Variants in TET1 observed in about 807,000 individuals in gnomAD.
TET1 encodes the protein tet methylcytosine dioxygenase 1.
In TET1, 13 loss-of-function variants were observed where a neutral mutation model predicts 148.7. That is an observed-to-expected ratio of 0.09 (90% CI 0.06 to 0.14). The LOEUF is 0.14. Ranked by LOEUF, TET1 falls within the 10% of genes least tolerant of loss-of-function variation. The probability of loss-of-function intolerance (pLI) is 1.00; values close to 1 mark genes in which losing one functional copy is unlikely to be tolerated. For synonymous variants in TET1, 907 were observed against 937.2 expected (o/e 0.97, Z 0.59); for missense variants, 2,182 against 2,553.8 (o/e 0.85, Z 3.14).
intron 2 of TET1, among the ~76,000 whole-genome samples, chr10:68,584,647 T>C (rs1361156185): frequency 2.0e-5 from 3 of 151,172 alleles, no homozygotes; most frequent in Non-Finnish European, 4.4e-5. Flanking sequence ...AGGCAAAGGT[T>C]GCAGAGAGCT....
chr10:68,672,510 A>AAAAAAC (rs1564504100), intron 7 of TET1, among the ~76,000 whole-genome samples: 95 of 144,454 alleles, frequency 6.6e-4, no homozygotes, highest in African/African-American at 2.4e-3. Context: ...AAAAAAAAAA[A>AAAAAAC]ACACCAAAAA....
intron 3 of TET1, among the ~76,000 whole-genome samples, chr10:68,614,914 T>C (rs913423437): frequency 1.3e-5 from 2 of 151,936 alleles, no homozygotes; most frequent in African/African-American, 4.8e-5. Context: ...CTTTCTTGTG[T>C]GTTTCATAAA....
At chr10:68,653,322 C>T (rs16925558) in intron 6 of TET1, among the ~76,000 whole-genome samples, 29,164 of 151,930 alleles carry the variant, frequency 0.19, 3,522 homozygotes, top group African/African-American at 0.34. Flanking sequence ...TGTGAGAATT[C>T]CCTATTGTGT....
At chr10:68,653,532 C>T (rs1044897438) in intron 6 of TET1, among the ~76,000 whole-genome samples, 2 of 152,132 alleles carry the variant, frequency 1.3e-5, no homozygotes, top group Non-Finnish European at 2.9e-5. Flanking sequence ...ATCATGTTAA[C>T]AGAATTTGGA....
At chr10:68,636,099 A>T (rs1277252088) in intron 3 of TET1, among the ~76,000 whole-genome samples, 5 of 152,178 alleles carry the variant, frequency 3.3e-5, no homozygotes, top group African/African-American at 1.2e-4. Flanking sequence ...AAATTGGTAG[A>T]ATGACAGTTT....
At chr10:68,673,433 T>C in intron 8 of TET1, 1 of 408,400 alleles carries the variant, frequency 2.4e-6, no homozygotes. Context: ...AAGGACGTAA[T>C]CCAGAAAGAA....
Position 68,572,200 on chromosome 10 carries a change from T to A in TET1, c.-122-17T>A. The A allele has an allele frequency of 3.0e-6, 2 of 661,606 alleles. No homozygotes were observed. Among genetic ancestry groups the A allele is most frequent in the South Asian group, 2.1e-5 (1 of 48,392 alleles). The allele number at this position is 661,606 out of a possible 1,614,324, so 41.0% of individuals were successfully genotyped here. On this transcript the variant is annotated splice_polypyrimidine_tract_variant and intron_variant, in intron 1 of 11. Transcript: ENST00000373644. ...TAGGAAAAAGACTCACTTCAGTGTA[T>A]TCTGTTGTTATTTCAGACCAAAACC...
intron 6 of TET1, among the ~76,000 whole-genome samples, chr10:68,657,024 CAAAA>C (rs35763138): frequency 8.4e-6 from 1 of 118,840 alleles, no homozygotes; most frequent in Non-Finnish European, 1.8e-5. Flanking sequence ...AGTCTAGCTC[CAAAA>C]AAAAAAAAAA....
chr10:68,597,700 T>C (rs1458723971), intron 2 of TET1, among the ~76,000 whole-genome samples: 2 of 152,136 alleles, frequency 1.3e-5, no homozygotes, highest in African/African-American at 4.8e-5. Context: ...TACAAATGTC[T>C]AACAACAGAA....
chr10:68,629,771 T>C (rs866890361), intron 3 of TET1, among the ~76,000 whole-genome samples: 3 of 152,150 alleles, frequency 2.0e-5, no homozygotes, highest in East Asian at 3.9e-4. Flanking sequence ...CTCCTGATCT[T>C]GTGATCCACC....
At chr10:68,588,371 T>G (rs1346977624) in intron 2 of TET1, among the ~76,000 whole-genome samples, 1 of 152,200 alleles carries the variant, frequency 6.6e-6, no homozygotes, top group Non-Finnish European at 1.5e-5. Flanking sequence ...GTATGAAATA[T>G]ATGTTCTGCT....
intron 3 of TET1, among the ~76,000 whole-genome samples, chr10:68,635,015 A>G (rs35778977): frequency 0.48 from 72,827 of 150,868 alleles, 18,704 homozygotes; most frequent in Non-Finnish European, 0.58. Flanking sequence ...GGCTGGTCTC[A>G]AACACCTGAC....
At position 68,646,107 on chromosome 10, in the gene TET1, A is replaced by T; in HGVS notation, c.3378A>T (p.Lys1126Asn). The stretch of plus-strand genomic sequence containing the variant: ...AGGAGAAGGGCACAATACAACAGAA[A>T]CCACCTTCAAGTGTACACAATAATC... ...YNQEKGTIQQ[K>N]PPSSVHNNHG... Residue 1126 changes from lysine (K) to asparagine (N), a missense_variant, in exon 4 of 12, where the codon AAA becomes AAT. Transcript: ENST00000373644. The T allele has an allele frequency of 6.2e-7, 1 of 1,614,036 alleles. No homozygotes were observed. Among genetic ancestry groups the T allele is most frequent in the Non-Finnish European group, 8.5e-7 (1 of 1,180,012 alleles).
chr10:68,566,765 ACT>A (rs2133668294), intron 1 of TET1, among the ~76,000 whole-genome samples: 1 of 151,524 alleles, frequency 6.6e-6, no homozygotes, highest in East Asian at 1.9e-4. Context: ...AATATAGCAA[ACT>A]CTGAGTTAAA....
rs754614889 is a variant in TET1, at chr10:68,646,888, A to G, written c.4159A>G (p.Thr1387Ala). ...SSSFGTSEFS[T>A]VDSAQKNFND... ...CAGTTTTGGAACATCAGAATTTTCC[A>G]CAGTGGACAGTGCACAGAAAAATTT... Residue 1387 changes from threonine to alanine, a missense_variant, in exon 4 of 12, where the codon ACA becomes GCA. Coordinates refer to ENST00000373644, the MANE Select transcript of TET1 (RefSeq NM_030625.3). 1 of 1,614,204 alleles carries G rather than the reference A, an allele frequency of 6.2e-7. No individual in the cohort carries two copies. Among genetic ancestry groups the G allele is most frequent in the Admixed American group, 1.7e-5 (1 of 60,022 alleles).
At chr10:68,673,136 A>C in intron 8 of TET1, 91 bp downstream of exon 8, 1 of 1,052,090 alleles carries the variant, frequency 9.5e-7, no homozygotes, top group South Asian at 2.6e-5. Context: ...AAACACTATA[A>C]AAACTAAATA....
intron 3 of TET1, among the ~76,000 whole-genome samples, chr10:68,610,304 G>T (rs2054188460): frequency 6.7e-6 from 1 of 149,906 alleles, no homozygotes; most frequent in Non-Finnish European, 1.5e-5. Context: ...AAACAAAAAG[G>T]CCAGGCATGG....
chr10:68,572,436 G>A lies in TET1; in HGVS notation c.98G>A (p.Gly33Glu). Residue 33 changes from glycine (G) to glutamate (E), a missense_variant, in exon 2 of 12, where the codon GGA (glycine) becomes GAA (glutamate). By Grantham distance (98) the Gly-to-Glu change is moderately conservative. This residue lies in a region of TET1 where 665 missense variants were observed against 672.4 expected (regional missense o/e 0.99). Coordinates refer to ENST00000373644, the MANE Select transcript of TET1 (RefSeq NM_030625.3). ...AGCCAACTACGAAAGACAACCAAGG[G>A]AGCCAACAAAAATGTGGCATCAGTC... ...KNSQLRKTTK[G>E]ANKNVASVKT... is the part of the protein sequence containing the mutation. 6.2e-7 allele frequency: 1 copy of A among 1,613,960 alleles called. No homozygotes were observed. Among genetic ancestry groups the A allele is most frequent in the Non-Finnish European group, 8.5e-7 (1 of 1,179,988 alleles).
At chr10:68,563,172 GCAGGGCA>G (rs2053572763) in intron 1 of TET1, among the ~76,000 whole-genome samples, 1 of 151,108 alleles carries the variant, frequency 6.6e-6, no homozygotes. Flanking sequence ...CTTCCTCTCT[GCAGGGCA>G]GAGGGGTGTT....
Sources: gnomAD v4.1 joint callset for allele counts (sites outside exome capture counted in the v4.1 genomes callset) on GRCh38, gnomAD v4.1.1 for gene constraint, gnomAD v4.1.1 regional missense constraint, MANE v1.5 for transcripts, NCBI Gene and HGNC (gene_info 2026-07-23, HGNC 2026-07-21) for gene names.